B3GALNT2: variants seen among roughly 807,000 people sequenced by gnomAD.
B3GALNT2 encodes beta-1,3-N-acetylgalactosaminyltransferase 2.
A neutral mutation model predicts 61.1 loss-of-function variants in B3GALNT2; 53 were observed. The ratio of observed to expected loss-of-function variants is 0.87; its 90% CI spans 0.70 to 1.09. The LOEUF (loss-of-function observed/expected upper bound fraction) is 1.09, where lower values mean the gene tolerates loss of function less well. B3GALNT2 is among the 50% of genes least tolerant of loss of function. B3GALNT2 has a pLI of 0.00. For synonymous variants in B3GALNT2, 223 were observed against 237.4 expected, an observed-to-expected ratio of 0.94 and a Z score of 0.56; for missense variants, 544 against 623.0, an observed-to-expected ratio of 0.87 and a Z score of 1.35.
chr1:235,458,579 C>A, intron 8 of B3GALNT2, 24 bp downstream of exon 8: 1 of 1,553,396 alleles, frequency 6.4e-7, no homozygotes, highest in South Asian at 1.3e-5. Context: ...CAAGTTCTAG[C>A]TACCCAACAT....
chr1:235,441,050 A>T, the B3GALNT2 span: 5 of 152,392 alleles, frequency 3.3e-5, no homozygotes, highest in South Asian at 1.0e-3. Flanking sequence ...TCACTTTCAA[A>T]TGACTCCATT....
At chr1:235,469,910 TG>T (rs1445872605) in intron 6 of B3GALNT2, among the ~76,000 whole-genome samples, 1 of 151,882 alleles carries the variant, frequency 6.6e-6, no homozygotes, top group Admixed American at 6.6e-5. Context: ...TTTGTTTGTT[TG>T]TTTTGAGACA....
At position 235,457,111 on chromosome 1, in the gene B3GALNT2, A is replaced by AAAAT. The variant is rs10668990; in HGVS notation, c.1026-1431_1026-1428dup. The stretch of plus-strand genomic sequence containing the variant: ...CTGCTTGAGACCTCATTTCTATTAA[A>AAAAT]AAATAAATAAATAAATAAATAAATA... On this transcript the variant is annotated intron_variant, in intron 8 of 11. Coordinates refer to ENST00000366600, the MANE Select transcript of B3GALNT2 (RefSeq NM_152490.5). 1.5e-3 allele frequency among the ~76,000 whole-genome samples: 219 copies of AAAAT among 149,472 alleles called. 2 individuals carry two copies. The highest frequency in any genetic ancestry group is 8.5e-3 in the East Asian group (43 of 5,030).
At chr1:235,477,433 A>G (rs1251384406) in intron 5 of B3GALNT2, among the ~76,000 whole-genome samples, 1 of 152,224 alleles carries the variant, frequency 6.6e-6, no homozygotes, top group Non-Finnish European at 1.5e-5. Flanking sequence ...GAACTAATCA[A>G]AATTTGCAAT....
intron 5 of B3GALNT2, among the ~76,000 whole-genome samples, chr1:235,478,749 T>C (rs191399774): frequency 2.0e-5 from 3 of 152,354 alleles, no homozygotes; most frequent in African/African-American, 7.2e-5. Flanking sequence ...CAAAAGATGT[T>C]CGTGATATGT....
At chr1:235,460,663 TC>T (rs966684593) in intron 7 of B3GALNT2, among the ~76,000 whole-genome samples, 8 of 151,918 alleles carry the variant, frequency 5.3e-5, no homozygotes, top group African/African-American at 1.7e-4. Context: ...AGCCTCAACT[TC>T]CTGGGCTCAA....
the B3GALNT2 span, chr1:235,441,034 G>C: frequency 6.6e-6 from 1 of 152,314 alleles, no homozygotes. Context: ...AAGCAGCCTA[G>C]AGGAATCACT....
chr1:235,455,947 G>A (rs1338754420), intron 8 of B3GALNT2, among the ~76,000 whole-genome samples: 3 of 152,146 alleles, frequency 2.0e-5, no homozygotes, highest in African/African-American at 4.8e-5. Context: ...GAAAATATCT[G>A]GCTTAAATGG....
chr1:235,504,196 G>A lies in B3GALNT2; in HGVS notation c.57C>T (p.Leu19=), dbSNP rs1572574971. ...GCGGCGGGGAGCGCAGCCGCAGCCA[G>A]AGGTGCAGCGCGGCCCCGAGCACAC... ...CPCVLGAALH[L]WLRLRSPPPA... The change falls in exon 1 of 12, where the codon CTC becomes CTT. Residue 19 remains leucine, a synonymous_variant. Coordinates refer to ENST00000366600, the MANE Select transcript of B3GALNT2 (RefSeq NM_152490.5). 7 of 1,367,316 alleles carry A rather than the reference G, an allele frequency of 5.1e-6. No individual in the cohort carries two copies. Among genetic ancestry groups the A allele is most frequent in the Admixed American group, 3.3e-5 (1 of 30,082 alleles). The allele number at this position is 1,367,316 out of a possible 1,614,324, so 84.7% of individuals were successfully genotyped here. A position where few individuals can be genotyped will look rare whatever the true frequency, so the allele number is the denominator to read the frequency against.
intron 2 of B3GALNT2, among the ~76,000 whole-genome samples, chr1:235,493,251 C>T (rs754980603): frequency 4.6e-5 from 7 of 152,082 alleles, no homozygotes; most frequent in Non-Finnish European, 7.4e-5. Flanking sequence ...AAGGAAAAAT[C>T]AGGGTAACAC....
chr1:235,469,737 T>C (rs1683893374), intron 6 of B3GALNT2, among the ~76,000 whole-genome samples: 1 of 150,328 alleles, frequency 6.7e-6, no homozygotes, highest in African/African-American at 2.5e-5. Context: ...TTTTTTTGGA[T>C]TTTTAGTAGA....
intron 2 of B3GALNT2, 133 bp from the exon 3 acceptor site, chr1:235,489,401 C>G (rs530250230): frequency 3.6e-6 from 5 of 1,374,686 alleles, no homozygotes; most frequent in Non-Finnish European, 4.8e-6. Flanking sequence ...CTTTATTCTT[C>G]TAGTCAGACA....
At chr1:235,474,383 A>G (rs751155229) in intron 5 of B3GALNT2, among the ~76,000 whole-genome samples, 8 of 152,140 alleles carry the variant, frequency 5.3e-5, no homozygotes, top group Non-Finnish European at 1.0e-4. Context: ...TCACGCATCA[A>G]CTCTTTTCCA....
intron 5 of B3GALNT2, among the ~76,000 whole-genome samples, chr1:235,471,969 TA>T (rs58278357): frequency 0.023 from 3,206 of 141,990 alleles, 64 homozygotes; most frequent in African/African-American, 0.056. Context: ...TGCCTGAATT[TA>T]AAAAAAAAAA....
chr1:235,476,967 G>A (rs291379), intron 5 of B3GALNT2, among the ~76,000 whole-genome samples: 67,814 of 151,060 alleles, frequency 0.45, 15,871 homozygotes, highest in Non-Finnish European at 0.5. Flanking sequence ...TGAGGCTGCG[G>A]TGAGCTATGA....
chr1:235,477,691 G>A (rs1684352872), intron 5 of B3GALNT2, among the ~76,000 whole-genome samples: 1 of 152,126 alleles, frequency 6.6e-6, no homozygotes, highest in African/African-American at 2.4e-5. Flanking sequence ...CTAGATGCCA[G>A]TATCACCCTA....
At position 235,448,836 on chromosome 1, in the gene B3GALNT2, GA is replaced by G. The variant is rs1682685581; in HGVS notation, c.*1369del. 3 of 1,104,090 alleles carry G rather than the reference GA, an allele frequency of 2.7e-6. No homozygotes were observed. Among genetic ancestry groups the G allele is most frequent in the Non-Finnish European group, 4.1e-6 (3 of 728,152 alleles). 68.4% of individuals were successfully genotyped at this position (1,104,090 alleles called of 1,614,324 possible). On this transcript the variant is annotated 3_prime_UTR_variant, in exon 12 of 12. Transcript: ENST00000366600. ...TTCACCGGAAATAAATGATTCACTG[GA>G]ACAATTCTACTGTCAAAACAAAGGG...
intron 6 of B3GALNT2, among the ~76,000 whole-genome samples, chr1:235,467,330 CAG>C (rs900189783): frequency 2.0e-5 from 3 of 151,854 alleles, no homozygotes; most frequent in Admixed American, 6.6e-5. Flanking sequence ...GCCTGGGTGA[CAG>C]AGTGAGACTC....
rs985542864 is a variant in B3GALNT2 at position 235,481,245 on chromosome 1, C to T, written c.556-1096G>A. On this transcript the variant is annotated intron_variant, in intron 4 of 11. Coordinates refer to ENST00000366600, the MANE Select transcript of B3GALNT2 (RefSeq NM_152490.5). ...CCTTCCTTGAGGACAAAGATTAACT[C>T]CTCCCTGGTTAAAAATATGGCAACT... Among the ~76,000 whole-genome samples the T allele has an allele frequency of 1.4e-4, 22 of 152,146 alleles. 1 individual carries two copies. Among genetic ancestry groups the T allele is most frequent in the South Asian group, 6.2e-4 (3 of 4,826 alleles).
Sources: allele counts gnomAD v4.1 joint callset (sites outside exome capture counted in the v4.1 genomes callset), GRCh38; gene constraint gnomAD v4.1.1; transcripts MANE v1.5; gene names NCBI Gene and HGNC (gene_info 2026-07-23, HGNC 2026-07-21).